IRAK2: variants seen among roughly 807,000 people sequenced by gnomAD.
The protein encoded by IRAK2 is interleukin-1 receptor-associated kinase-like 2.
Under a neutral mutation model 72.0 loss-of-function variants are expected in IRAK2, and 57 were observed. The ratio of observed to expected loss-of-function variants is 0.79; its 90% CI spans 0.64 to 0.99. IRAK2 has a LOEUF of 0.99. IRAK2 is among the 50% of genes least tolerant of loss of function. The probability of loss-of-function intolerance (pLI) is 0.00; values close to 1 mark genes in which losing one functional copy is unlikely to be tolerated. For missense variants in IRAK2, 790 were observed against 794.4 expected (o/e 0.99, Z 0.07); for synonymous variants, 293 against 312.7 (o/e 0.94, Z 0.67).
At chr3:10,230,185 A>G (rs1697837438) in intron 10 of IRAK2, among the ~76,000 whole-genome samples, 1 of 152,168 alleles carries the variant, frequency 6.6e-6, no homozygotes, top group Non-Finnish European at 1.5e-5. Context: ...AGAATAGTAT[A>G]TAGTATGATC....
chr3:10,217,706 A>T (rs1440998217), intron 7 of IRAK2, among the ~76,000 whole-genome samples: 4 of 152,242 alleles, frequency 2.6e-5, no homozygotes, highest in Non-Finnish European at 4.4e-5. Flanking sequence ...AATAAAAATT[A>T]CAGTGTTTTA....
intron 2 of IRAK2, among the ~76,000 whole-genome samples, chr3:10,180,331 C>G (rs1696941667): frequency 6.6e-6 from 1 of 152,142 alleles, no homozygotes; most frequent in Non-Finnish European, 1.5e-5. Context: ...GTCCTCCGCC[C>G]TCATGAGGAC....
chr3:10,176,709 C>T (rs764244410), intron 1 of IRAK2, among the ~76,000 whole-genome samples: 3 of 151,450 alleles, frequency 2.0e-5, no homozygotes, highest in African/African-American at 2.4e-5. Flanking sequence ...AATCTCCTGA[C>T]CTTGCGATCT....
chr3:10,172,207 A>T (rs1696804545), intron 1 of IRAK2, among the ~76,000 whole-genome samples: 2 of 145,072 alleles, frequency 1.4e-5, no homozygotes, highest in Non-Finnish European at 1.5e-5. Context: ...CGTTTCTACT[A>T]AAAAAAAAAA....
chr3:10,186,090 C>A lies in IRAK2; in HGVS notation c.277+8070C>A, dbSNP rs184138475. Among the ~76,000 whole-genome samples, 1,483 of 151,494 alleles carry A rather than the reference C, an allele frequency of 9.8e-3. 78 individuals carry two copies. The highest frequency in any genetic ancestry group is 0.033 in the African/African-American group (1,361 of 40,864). On this transcript the variant is annotated intron_variant, in intron 2 of 12. Transcript: ENST00000256458. Reference sequence around the variant, plus strand: ...GTCTCAACAACAACAACAACAACAACAAAACACTGCTCTGATACCTGGTCC... The same window carrying A: ...GTCTCAACAACAACAACAACAACAAAAAAACACTGCTCTGATACCTGGTCC...
At chr3:10,176,070 T>G (rs1198899967) in intron 1 of IRAK2, among the ~76,000 whole-genome samples, 2 of 136,722 alleles carry the variant, frequency 1.5e-5, no homozygotes, top group African/African-American at 6.6e-5. Flanking sequence ...TCCATGTTTT[T>G]TTTTTTTTTT....
chr3:10,192,609 G>A (rs1396410960), intron 2 of IRAK2, among the ~76,000 whole-genome samples: 3 of 152,214 alleles, frequency 2.0e-5, no homozygotes, highest in Non-Finnish European at 4.4e-5. Context: ...ATAGGCCACA[G>A]ATATGGGCAA....
At chr3:10,200,111 C>T (rs922424180) in intron 2 of IRAK2, among the ~76,000 whole-genome samples, 4 of 152,074 alleles carry the variant, frequency 2.6e-5, no homozygotes, top group Non-Finnish European at 4.4e-5. Context: ...TGGTCTCGAA[C>T]TCCTGACCTC....
At chr3:10,170,786 C>A (rs538132498) in intron 1 of IRAK2, among the ~76,000 whole-genome samples, 241 of 152,318 alleles carry the variant, frequency 1.6e-3, no homozygotes, top group African/African-American at 5.2e-3. Flanking sequence ...TGGCCTGGAG[C>A]CTTTGGTCAG....
chr3:10,181,246 C>T (rs903901503), intron 2 of IRAK2, among the ~76,000 whole-genome samples: 24 of 152,082 alleles, frequency 1.6e-4, no homozygotes, highest in South Asian at 6.2e-4. Flanking sequence ...GAGCCGCTGC[C>T]GTTCCTCTCC....
intron 12 of IRAK2, among the ~76,000 whole-genome samples, chr3:10,241,037 A>G (rs1698051857): frequency 6.6e-6 from 1 of 151,744 alleles, no homozygotes; most frequent in Non-Finnish European, 1.5e-5. Context: ...CAACATCATA[A>G]ATAGGAACAG....
At chr3:10,226,924 T>C (rs908789619) in intron 10 of IRAK2, among the ~76,000 whole-genome samples, 23 of 127,078 alleles carry the variant, frequency 1.8e-4, no homozygotes, top group African/African-American at 7.1e-4. Flanking sequence ...CCAGCCTGGG[T>C]GACAGAGCGA....
intron 2 of IRAK2, among the ~76,000 whole-genome samples, chr3:10,196,281 A>T (rs918577314): frequency 3.9e-5 from 6 of 152,120 alleles, no homozygotes; most frequent in Non-Finnish European, 5.9e-5. Flanking sequence ...CGCCTGGCTA[A>T]TTTTTGTATT....
chr3:10,213,010 C>A (rs533498926), intron 4 of IRAK2, among the ~76,000 whole-genome samples, 197 bp from the exon 5 acceptor site: 1 of 151,934 alleles, frequency 6.6e-6, no homozygotes, highest in Non-Finnish European at 1.5e-5. Context: ...CCTCGTGATC[C>A]GCCCGCCTCG....
In IRAK2 at chr3:10,189,189, C is replaced by T. The variant is rs11465873; in HGVS notation, c.277+11169C>T. Among the ~76,000 whole-genome samples the T allele has an allele frequency of 1.2e-3, 187 of 152,272 alleles. 1 individual carries two copies. Among genetic ancestry groups the T allele is most frequent in the African/African-American group, 4.2e-3 (176 of 41,546 alleles). On this transcript the variant is annotated intron_variant, in intron 2 of 12. Coordinates refer to ENST00000256458, the MANE Select transcript of IRAK2 (RefSeq NM_001570.4). ...AGTGCAAGATGAGAGGATTTGATCTCATCAGGGGAAGTTTCTCTGAGGCAG... is the reference window on the plus strand; with the variant it reads ...AGTGCAAGATGAGAGGATTTGATCTTATCAGGGGAAGTTTCTCTGAGGCAG...
chr3:10,209,183 TCTGGAA>T (rs1209970237), intron 3 of IRAK2, among the ~76,000 whole-genome samples: 1 of 152,160 alleles, frequency 6.6e-6, no homozygotes, highest in Non-Finnish European at 1.5e-5. Context: ...GGTGGAGGTT[TCTGGAA>T]GGCAGGCTTG....
intron 2 of IRAK2, among the ~76,000 whole-genome samples, chr3:10,183,795 C>T (rs2125144936): frequency 6.6e-6 from 1 of 152,314 alleles, no homozygotes; most frequent in East Asian, 1.9e-4. Context: ...AAAGCAGCTA[C>T]CCATTCCTTG....
chr3:10,243,323 G>T lies in IRAK2; in HGVS notation c.*1095G>T, dbSNP rs373844635. On this transcript the variant is annotated 3_prime_UTR_variant, in exon 13 of 13. Transcript: ENST00000256458. ...GTTGGGATTACAGGCTTGAGCCACC[G>T]CACCCGGCCGAGAATATGTGTTGTT... 4 of 152,678 alleles carry T rather than the reference G, an allele frequency of 2.6e-5. No homozygotes were observed. Among genetic ancestry groups the T allele is most frequent in the African/African-American group, 9.6e-5 (4 of 41,558 alleles). 9.5% of individuals were successfully genotyped at this position (152,678 alleles called of 1,614,324 possible).
chr3:10,237,503 G>A lies in IRAK2; in HGVS notation c.1474-1245G>A, dbSNP rs935037332. Among the ~76,000 whole-genome samples, 4 of 152,194 alleles carry A rather than the reference G, an allele frequency of 2.6e-5. No individual in the cohort carries two copies. The South Asian group carries it at 8.3e-4, about 32-fold the overall frequency. On this transcript the variant is annotated intron_variant, in intron 11 of 12. Coordinates refer to ENST00000256458, the MANE Select transcript of IRAK2 (RefSeq NM_001570.4). The stretch of plus-strand genomic sequence containing the variant: ...TTTTATTTATAAAAATTCATGCATT[G>A]TGTATGAAATGGATACATTAGTGGC...
Sources: allele counts gnomAD v4.1 joint callset (sites outside exome capture counted in the v4.1 genomes callset), GRCh38; gene constraint gnomAD v4.1.1; transcripts MANE v1.5; gene names NCBI Gene and HGNC (gene_info 2026-07-23, HGNC 2026-07-21).